The following PRKCE variants were observed in gnomAD, a reference collection of about 807,000 sequenced individuals.
PRKCE encodes protein kinase C epsilon type.
A neutral mutation model predicts 85.4 loss-of-function variants in PRKCE; 16 were observed. The ratio of observed to expected loss-of-function variants is 0.19; its 90% CI spans 0.13 to 0.28. The LOEUF (loss-of-function observed/expected upper bound fraction) is 0.28, where lower values mean the gene tolerates loss of function less well. PRKCE is among the 10% of genes least tolerant of loss of function. The pLI is 1.00. For missense variants in PRKCE, 573 were observed against 975.2 expected (o/e 0.59, Z 5.49); for synonymous variants, 388 against 371.5 (o/e 1.04, Z -0.51).
chr2:45,842,081 G>A (rs1333712868), intron 1 of PRKCE, among the ~76,000 whole-genome samples: 1 of 152,202 alleles, frequency 6.6e-6, no homozygotes, highest in Non-Finnish European at 1.5e-5. Flanking sequence ...CTCTTATAGA[G>A]AGAACACAGT....
In PRKCE at chr2:45,815,025, A is replaced by G. The variant is rs184231573; in HGVS notation, c.349-27975A>G. ...GGAGATGGCTTCAGCTCACTCATTT[A>G]CAGCAGGAGATCAGAGGTCTCTGTT... On this transcript the variant is annotated intron_variant, in intron 1 of 14. Coordinates refer to ENST00000306156, the MANE Select transcript of PRKCE (RefSeq NM_005400.3). 3.9e-5 allele frequency among the ~76,000 whole-genome samples: 6 copies of G among 152,278 alleles called. No individual in the cohort carries two copies. In the East Asian group the frequency reaches 1.2e-3, roughly 29 times the overall value.
At chr2:46,062,668 C>CTTTTTTTTTTTTTTT (rs71394871) in intron 10 of PRKCE, among the ~76,000 whole-genome samples, 3 of 73,260 alleles carry the variant, frequency 4.1e-5, no homozygotes, top group Non-Finnish European at 7.0e-5. Context: ...AAAGCTCAGC[C>CTTTTTTTTTTTTTTT]TTTTTTTTTT....
chr2:46,067,887 C>T (rs374544704), intron 10 of PRKCE, among the ~76,000 whole-genome samples: 4 of 152,116 alleles, frequency 2.6e-5, no homozygotes, highest in African/African-American at 7.2e-5. Flanking sequence ...TCTGGAATGC[C>T]GGTATTCCAG....
chr2:45,817,460 G>C (rs1398821241), intron 1 of PRKCE, among the ~76,000 whole-genome samples: 1 of 152,256 alleles, frequency 6.6e-6, no homozygotes. Context: ...TTGGGAGGCT[G>C]AGGAGGGCGA....
rs1264787686 is a variant in PRKCE at position 46,155,459 on chromosome 2, C to G, written c.1921-4147C>G. On this transcript the variant is annotated intron_variant, in intron 13 of 14. Transcript: ENST00000306156. The surrounding 1 kb of genome is among the most constrained non-coding windows in gnomAD (Gnocchi z 4.7). ...GGTCCTCTGGGTACCCTGTGCTCTC[C>G]CCTGCACAGCACTCTCCCACTTCCC... is the stretch of plus-strand genomic sequence containing the variant. Among the ~76,000 whole-genome samples, 1 of 152,068 alleles carries G rather than the reference C, an allele frequency of 6.6e-6. No homozygotes were observed. Among genetic ancestry groups the G allele is most frequent in the African/African-American group, 2.4e-5 (1 of 41,412 alleles).
intron 2 of PRKCE, among the ~76,000 whole-genome samples, chr2:45,912,257 T>C (rs771015761): frequency 6.6e-6 from 1 of 152,070 alleles, no homozygotes; most frequent in Non-Finnish European, 1.5e-5. Flanking sequence ...AGAGTTGAGA[T>C]AAGGGGTCAA....
At chr2:45,726,696 T>A (rs1211368067) in intron 1 of PRKCE, among the ~76,000 whole-genome samples, 3 of 152,230 alleles carry the variant, frequency 2.0e-5, no homozygotes, top group African/African-American at 7.2e-5. Context: ...CCTGTACTTT[T>A]GATTCTCAGG....
intron 2 of PRKCE, among the ~76,000 whole-genome samples, chr2:45,946,080 A>C (rs1157728918): frequency 6.6e-6 from 1 of 152,252 alleles, no homozygotes; most frequent in African/African-American, 2.4e-5. Context: ...AATGTGGCAC[A>C]TGCCCTCCCA....
At chr2:45,958,783 C>T (rs1202852820) in intron 2 of PRKCE, among the ~76,000 whole-genome samples, 1 of 81,992 alleles carries the variant, frequency 1.2e-5, no homozygotes, top group Non-Finnish European at 2.4e-5. Flanking sequence ...TTCCTCTGGC[C>T]TTTAAAACAT....
chr2:45,685,903 G>A (rs953269521), intron 1 of PRKCE, among the ~76,000 whole-genome samples: 1 of 152,150 alleles, frequency 6.6e-6, no homozygotes, highest in Non-Finnish European at 1.5e-5. Flanking sequence ...GCCTATCCAC[G>A]GATAGAACCC....
At chr2:45,658,272 T>C (rs969944921) in intron 1 of PRKCE, among the ~76,000 whole-genome samples, 1 of 152,222 alleles carries the variant, frequency 6.6e-6, no homozygotes, top group Admixed American at 6.5e-5. Flanking sequence ...CATAGCTGGT[T>C]GTTTAACAAC....
intron 2 of PRKCE, among the ~76,000 whole-genome samples, chr2:45,857,952 G>A (rs1692810196): frequency 6.6e-6 from 1 of 152,236 alleles, no homozygotes; most frequent in South Asian, 2.1e-4. Flanking sequence ...AGGTGGCTGA[G>A]TTGCTTGGCT....
rs185591571 is a variant in PRKCE at position 45,928,164 on chromosome 2, G to C, written c.413-48265G>C. On this transcript the variant is annotated intron_variant, in intron 2 of 14. Transcript: ENST00000306156. ...CTAGTTGTTCTGTGTTGTGATCTATGGGAAGAGGTGGCTGAGTCCCAGTGA... is the reference window on the plus strand; with the variant it reads ...CTAGTTGTTCTGTGTTGTGATCTATCGGAAGAGGTGGCTGAGTCCCAGTGA... Among the ~76,000 whole-genome samples the C allele has an allele frequency of 7.9e-4, 121 of 152,300 alleles. No homozygotes were observed. The East Asian group carries it at 8.3e-3, about 10-fold the overall frequency.
chr2:45,927,062 G>A (rs1165991223), intron 2 of PRKCE, among the ~76,000 whole-genome samples: 1 of 152,114 alleles, frequency 6.6e-6, no homozygotes, highest in Non-Finnish European at 1.5e-5. Context: ...GAGAATTATA[G>A]AATGTGCATA....
intron 2 of PRKCE, among the ~76,000 whole-genome samples, chr2:45,923,047 G>A (rs984479678): frequency 6.6e-6 from 1 of 152,196 alleles, no homozygotes; most frequent in Non-Finnish European, 1.5e-5. Flanking sequence ...ATAAAGGAAA[G>A]AAACAGATAC....
intron 2 of PRKCE, among the ~76,000 whole-genome samples, chr2:45,935,976 C>G (rs955945900): frequency 2.6e-5 from 4 of 152,096 alleles, no homozygotes; most frequent in Non-Finnish European, 4.4e-5. Context: ...GGGGTTTGGT[C>G]CCTGGTCTGT....
intron 1 of PRKCE, among the ~76,000 whole-genome samples, chr2:45,719,680 G>T (rs1006094931): frequency 6.6e-6 from 1 of 152,142 alleles, no homozygotes; most frequent in African/African-American, 2.4e-5. Context: ...ATGGCATTTG[G>T]ATATGGCTTG....
intron 1 of PRKCE, among the ~76,000 whole-genome samples, chr2:45,694,587 T>C (rs1677992813): frequency 6.6e-6 from 1 of 152,300 alleles, no homozygotes; most frequent in East Asian, 1.9e-4. Flanking sequence ...GAAATGCATA[T>C]GAATGAGTTG....
At chr2:45,795,234 C>T (rs980191609) in intron 1 of PRKCE, among the ~76,000 whole-genome samples, 12 of 152,136 alleles carry the variant, frequency 7.9e-5, no homozygotes, top group African/African-American at 2.9e-4. Flanking sequence ...TTGACCCTGC[C>T]CTCAACTCTC....
Sources: gnomAD v4.1 joint callset for allele counts (sites outside exome capture counted in the v4.1 genomes callset) on GRCh38, gnomAD v4.1.1 for gene constraint, Gnocchi (gnomAD v3.1) non-coding constraint, MANE v1.5 for transcripts, NCBI Gene and HGNC (gene_info 2026-07-23, HGNC 2026-07-21) for gene names.